FBXL17: variants seen among roughly 807,000 people sequenced by gnomAD.
FBXL17 encodes the protein F-box and leucine rich repeat protein 17, also known as F-box/LRR-repeat protein 17.
In FBXL17, 22 loss-of-function variants were observed where a neutral mutation model predicts 66.2. The observed-to-expected ratio is 0.33, with a 90% CI of 0.24 to 0.47. The LOEUF is 0.47. Among genes scored for constraint, FBXL17 ranks in the 20% least tolerant of loss-of-function variants. The probability of loss-of-function intolerance (pLI) is 1.00; values close to 1 mark genes in which losing one functional copy is unlikely to be tolerated. For missense variants in FBXL17, 878 were observed against 948.2 expected, an observed-to-expected ratio of 0.93 and a Z score of 0.97; for synonymous variants, 474 against 400.5, an observed-to-expected ratio of 1.18 and a Z score of -2.19.
intron 6 of FBXL17, among the ~76,000 whole-genome samples, chr5:108,120,405 C>A (rs1750439704): frequency 6.6e-6 from 1 of 152,176 alleles, no homozygotes; most frequent in African/African-American, 2.4e-5. Flanking sequence ...ATTTTAACTG[C>A]ATGACACAGA....
At chr5:108,355,009 G>C (rs890298523) in intron 3 of FBXL17, among the ~76,000 whole-genome samples, 1 of 151,854 alleles carries the variant, frequency 6.6e-6, no homozygotes, top group African/African-American at 2.4e-5. Context: ...TGCCTTGCAA[G>C]AAACGATAAA....
intron 6 of FBXL17, among the ~76,000 whole-genome samples, chr5:108,119,482 T>C (rs1331209283): frequency 2.0e-5 from 3 of 152,202 alleles, no homozygotes; most frequent in Non-Finnish European, 2.9e-5. Context: ...AGCAGCATAA[T>C]AGGGCCCATT....
intron 4 of FBXL17, among the ~76,000 whole-genome samples, chr5:108,265,740 C>A (rs1757020198): frequency 6.6e-6 from 1 of 152,084 alleles, no homozygotes; most frequent in African/African-American, 2.4e-5. Context: ...GAAATTTATT[C>A]TAAACCAGAG....
At chr5:107,934,588 C>T (rs1254081658) in intron 7 of FBXL17, among the ~76,000 whole-genome samples, 2 of 152,086 alleles carry the variant, frequency 1.3e-5, no homozygotes, top group Non-Finnish European at 2.9e-5. Context: ...GTAAAGTTTT[C>T]TTAATTTCAT....
chr5:108,078,952 G>A (rs973598441), intron 6 of FBXL17, among the ~76,000 whole-genome samples: 1 of 152,068 alleles, frequency 6.6e-6, no homozygotes, highest in Non-Finnish European at 1.5e-5. Context: ...TGTTGCTCAT[G>A]CTGCAGTGCA....
At chr5:108,010,538 A>T (rs886689286) in intron 7 of FBXL17, among the ~76,000 whole-genome samples, 1 of 152,100 alleles carries the variant, frequency 6.6e-6, no homozygotes, top group Admixed American at 6.5e-5. Context: ...AAGCTGGAGG[A>T]ATAAAAGACA....
At chr5:108,028,722 T>C (rs1408173882) in intron 6 of FBXL17, among the ~76,000 whole-genome samples, 1 of 152,112 alleles carries the variant, frequency 6.6e-6, no homozygotes, top group Non-Finnish European at 1.5e-5. Flanking sequence ...GACAAAAGGT[T>C]TCCTTCTCAT....
chr5:108,361,174 A>G (rs1748315492), intron 3 of FBXL17, among the ~76,000 whole-genome samples: 2 of 152,242 alleles, frequency 1.3e-5, no homozygotes, highest in South Asian at 4.1e-4. Flanking sequence ...TTTATTGTTG[A>G]AAACTAAATA....
chr5:108,081,220 G>A (rs927984569), intron 6 of FBXL17, among the ~76,000 whole-genome samples: 2 of 152,018 alleles, frequency 1.3e-5, no homozygotes, highest in Non-Finnish European at 2.9e-5. Flanking sequence ...AAAAGGAGGA[G>A]AGTATAATGA....
chr5:108,377,079 T>G (rs2052464), intron 1 of FBXL17, among the ~76,000 whole-genome samples: 127,777 of 152,188 alleles, frequency 0.84, 53,797 homozygotes, highest in African/African-American at 0.9. Context: ...TGTCTGAATA[T>G]CTTAGTTTTC....
At chr5:108,162,798 T>C (rs1752265352) in intron 6 of FBXL17, among the ~76,000 whole-genome samples, 1 of 152,104 alleles carries the variant, frequency 6.6e-6, no homozygotes, top group Non-Finnish European at 1.5e-5. Context: ...TATATAACAT[T>C]TGGAATAGTA....
chr5:108,159,408 A>G (rs1165825801), intron 6 of FBXL17, among the ~76,000 whole-genome samples: 1 of 152,176 alleles, frequency 6.6e-6, no homozygotes, highest in East Asian at 1.9e-4. Context: ...ATTTTGAAAC[A>G]CTAACCACCA....
intron 7 of FBXL17, among the ~76,000 whole-genome samples, chr5:107,885,338 T>C (rs1431195171): frequency 1.3e-5 from 2 of 152,216 alleles, no homozygotes; most frequent in African/African-American, 4.8e-5. Flanking sequence ...GACATACAAA[T>C]GACAGAGTGA....
intron 6 of FBXL17, among the ~76,000 whole-genome samples, chr5:108,037,075 G>A (rs1746872500): frequency 6.6e-6 from 1 of 152,100 alleles, no homozygotes; most frequent in Non-Finnish European, 1.5e-5. Flanking sequence ...GTAAGAATAT[G>A]TAATGAAACA....
At chr5:108,136,821 A>T (rs1258995969) in intron 6 of FBXL17, among the ~76,000 whole-genome samples, 2 of 152,180 alleles carry the variant, frequency 1.3e-5, no homozygotes, top group African/African-American at 2.4e-5. Context: ...AATTGCTTTG[A>T]TCATTCCACA....
intron 3 of FBXL17, among the ~76,000 whole-genome samples, chr5:108,356,410 C>T (rs750069282): frequency 2.0e-5 from 3 of 152,090 alleles, no homozygotes; most frequent in Non-Finnish European, 4.4e-5. Context: ...TTTATAATTA[C>T]CAGAACTTGG....
At chr5:108,152,048 C>T (rs747956576) in intron 6 of FBXL17, among the ~76,000 whole-genome samples, 15 of 152,210 alleles carry the variant, frequency 9.9e-5, no homozygotes, top group South Asian at 6.2e-4. Context: ...GATTTTGAAT[C>T]GCTGGTGAAC....
chr5:108,025,363 A>G (rs182451441), intron 6 of FBXL17, among the ~76,000 whole-genome samples: 3 of 152,264 alleles, frequency 2.0e-5, no homozygotes, highest in East Asian at 3.9e-4. Flanking sequence ...TCACTTTTAT[A>G]TTTGAATAAT....
Position 108,200,195 on chromosome 5 carries a change from C to G in FBXL17, c.1615-13948G>C, listed in dbSNP as rs189720544. 2.0e-3 allele frequency among the ~76,000 whole-genome samples: 306 copies of G among 152,202 alleles called. 1 individual carries two copies. Among genetic ancestry groups the G allele is most frequent in the Non-Finnish European group, 2.1e-3 (140 of 68,000 alleles). Reference sequence around the variant, plus strand: ...AGTTAGAGAAGGAGAGAGAGAAAAACATTTATTGTAGCTTCTGCCTCCCTG... The same window carrying G: ...AGTTAGAGAAGGAGAGAGAGAAAAAGATTTATTGTAGCTTCTGCCTCCCTG... On this transcript the variant is annotated intron_variant, in intron 5 of 8. Coordinates refer to ENST00000542267, the MANE Select transcript of FBXL17 (RefSeq NM_001163315.3).
Sources: allele counts gnomAD v4.1 joint callset (sites outside exome capture counted in the v4.1 genomes callset), GRCh38; gene constraint gnomAD v4.1.1; transcripts MANE v1.5; gene names NCBI Gene and HGNC (gene_info 2026-07-23, HGNC 2026-07-21).